PPP1R14C: variants seen among roughly 807,000 people sequenced by gnomAD.
The protein encoded by PPP1R14C is protein phosphatase 1 regulatory inhibitor subunit 14C.
PPP1R14C carries 16 observed loss-of-function variants against 20.4 expected under a neutral mutation model. That is an observed-to-expected ratio of 0.78 (90% CI 0.53 to 1.19). PPP1R14C has a LOEUF of 1.19. Ranked by LOEUF, PPP1R14C falls within the 50% of genes most tolerant of loss-of-function variation. The probability of loss-of-function intolerance (pLI) is 0.00; values close to 1 mark genes in which losing one functional copy is unlikely to be tolerated. For synonymous variants in PPP1R14C, 91 were observed against 91.0 expected (o/e 1.00, Z 0.00); for missense variants, 211 against 220.1 (o/e 0.96, Z 0.26).
intron 3 of PPP1R14C, among the ~76,000 whole-genome samples, chr6:150,217,193 G>GT (rs201443446): frequency 0.021 from 3,163 of 148,748 alleles, 58 homozygotes; most frequent in Middle Eastern, 0.042. Context: ...TTATTGGTAT[G>GT]TATTTTTTTT....
At chr6:150,190,680 C>T (rs559113636) in intron 1 of PPP1R14C, among the ~76,000 whole-genome samples, 1 of 152,256 alleles carries the variant, frequency 6.6e-6, no homozygotes, top group East Asian at 1.9e-4. Flanking sequence ...TCTCCTCGGC[C>T]TCTTAAAGTG....
chr6:150,205,366 C>T (rs1777935287), intron 1 of PPP1R14C, among the ~76,000 whole-genome samples: 2 of 152,180 alleles, frequency 1.3e-5, no homozygotes, highest in South Asian at 4.1e-4. Flanking sequence ...ACCCATCACA[C>T]TGGCCTGCTG....
chr6:150,204,649 C>T (rs925322523), intron 1 of PPP1R14C, among the ~76,000 whole-genome samples: 6 of 152,180 alleles, frequency 3.9e-5, no homozygotes, highest in Non-Finnish European at 7.3e-5. Context: ...CTAGCAGTCC[C>T]CATTTTACAG....
chr6:150,248,976 A>G lies in PPP1R14C; in HGVS notation c.*156A>G. 2.1e-6 allele frequency: 1 copy of G among 485,358 alleles called. No homozygotes were observed. 30.1% of individuals were successfully genotyped at this position (485,358 alleles called of 1,614,324 possible). ...GTGAAGGTGGGGGGGTCTATTAGACATTTATTCAAGAGCGTTCTTTTTTTG... is the reference window on the plus strand; with the variant it reads ...GTGAAGGTGGGGGGGTCTATTAGACGTTTATTCAAGAGCGTTCTTTTTTTG... On this transcript the variant is annotated 3_prime_UTR_variant, in exon 4 of 4. Coordinates refer to ENST00000361131, the MANE Select transcript of PPP1R14C (RefSeq NM_030949.3).
intron 3 of PPP1R14C, among the ~76,000 whole-genome samples, chr6:150,243,261 C>T (rs544031009): frequency 2.0e-4 from 31 of 151,550 alleles, no homozygotes; most frequent in Non-Finnish European, 3.4e-4. Flanking sequence ...CTGCAACCTC[C>T]GCCTCCCGGG....
At chr6:150,225,226 C>A (rs769510272) in intron 3 of PPP1R14C, among the ~76,000 whole-genome samples, 1 of 152,118 alleles carries the variant, frequency 6.6e-6, no homozygotes, top group Non-Finnish European at 1.5e-5. Flanking sequence ...CTTTTTATCT[C>A]GTCCTGCTGG....
At chr6:150,212,377 T>C (rs1778036644) in intron 1 of PPP1R14C, among the ~76,000 whole-genome samples, 1 of 152,166 alleles carries the variant, frequency 6.6e-6, no homozygotes, top group South Asian at 2.1e-4. Flanking sequence ...GTCAGTGCAA[T>C]ACCTAACAGA....
intron 3 of PPP1R14C, among the ~76,000 whole-genome samples, chr6:150,239,224 C>A (rs1778403812): frequency 6.6e-6 from 1 of 152,310 alleles, no homozygotes; most frequent in Middle Eastern, 3.4e-3. Context: ...GTACAAGTTA[C>A]ATGGGAGGAG....
rs796304783 is a variant in PPP1R14C, at chr6:150,187,247, C to G, written c.307-27497C>G. Reference sequence around the variant, plus strand: ...TGCCCACCTTGGCCTTTCTCTTTCTCTGTGTGTGTGTGTGTGTGTGTGTGT... The same window carrying G: ...TGCCCACCTTGGCCTTTCTCTTTCTGTGTGTGTGTGTGTGTGTGTGTGTGT... On this transcript the variant is annotated intron_variant, in intron 1 of 3. Coordinates refer to ENST00000361131, the MANE Select transcript of PPP1R14C (RefSeq NM_030949.3). Among the ~76,000 whole-genome samples, 688 of 141,576 alleles carry G rather than the reference C, an allele frequency of 4.9e-3. 8 individuals are homozygous for G. Among genetic ancestry groups the G allele is most frequent in the African/African-American group, 0.017 (624 of 37,596 alleles). 92.9% of individuals were successfully genotyped at this position (141,576 alleles called of 152,430 possible).
intron 1 of PPP1R14C, among the ~76,000 whole-genome samples, chr6:150,147,166 T>G (rs531213257): frequency 6.7e-6 from 1 of 150,040 alleles, no homozygotes; most frequent in Non-Finnish European, 1.5e-5. Flanking sequence ...CCCTGGTGGG[T>G]TTTTTTTGTT....
intron 1 of PPP1R14C, among the ~76,000 whole-genome samples, chr6:150,182,214 C>T (rs1054563404): frequency 6.6e-6 from 1 of 152,172 alleles, no homozygotes; most frequent in Non-Finnish European, 1.5e-5. Context: ...CCAGACCTGC[C>T]GGCTTTGAAT....
intron 3 of PPP1R14C, among the ~76,000 whole-genome samples, chr6:150,229,906 T>G (rs994084658): frequency 6.6e-6 from 1 of 152,086 alleles, no homozygotes; most frequent in Non-Finnish European, 1.5e-5. Context: ...ATTAAATGTG[T>G]CAGTGGTGAG....
chr6:150,160,416 C>G (rs972371003), intron 1 of PPP1R14C, among the ~76,000 whole-genome samples: 1 of 146,890 alleles, frequency 6.8e-6, no homozygotes, highest in Non-Finnish European at 1.5e-5. Context: ...AGGTGCCGAC[C>G]ACCACACCCA....
At chr6:150,215,299 G>A (rs1264705529) in intron 2 of PPP1R14C, among the ~76,000 whole-genome samples, 5 of 152,296 alleles carry the variant, frequency 3.3e-5, no homozygotes, top group Middle Eastern at 3.4e-3. Flanking sequence ...TTCATAGACA[G>A]TGCTCACCTC....
At chr6:150,231,784 G>A (rs968428697) in intron 3 of PPP1R14C, among the ~76,000 whole-genome samples, 12 of 152,126 alleles carry the variant, frequency 7.9e-5, no homozygotes, top group East Asian at 5.8e-4. Context: ...ATTAGGTGTC[G>A]GACACTTATC....
chr6:150,168,513 A>T (rs1218557206), intron 1 of PPP1R14C, among the ~76,000 whole-genome samples: 1 of 127,254 alleles, frequency 7.9e-6, no homozygotes, highest in African/African-American at 2.7e-5. Context: ...AGCCTGGGCG[A>T]AAGAGCGAGA....
chr6:150,244,312 A>G (rs751795717), intron 3 of PPP1R14C, among the ~76,000 whole-genome samples: 25 of 152,252 alleles, frequency 1.6e-4, no homozygotes, highest in Admixed American at 4.6e-4. Context: ...TTCTCATTGC[A>G]CTTGACTTAG....
chr6:150,174,185 C>T (rs1289299792), intron 1 of PPP1R14C, among the ~76,000 whole-genome samples: 1 of 152,072 alleles, frequency 6.6e-6, no homozygotes, highest in Non-Finnish European at 1.5e-5. Context: ...ATTGTGAGAA[C>T]ACTTACTAAC....
intron 2 of PPP1R14C, among the ~76,000 whole-genome samples, chr6:150,216,444 G>A (rs1274314692): frequency 2.0e-5 from 3 of 152,016 alleles, no homozygotes; most frequent in African/African-American, 7.2e-5. Context: ...GCAATGAGCT[G>A]AGATCGCACC....
Sources: gnomAD v4.1 joint callset for allele counts (sites outside exome capture counted in the v4.1 genomes callset) on GRCh38, gnomAD v4.1.1 for gene constraint, MANE v1.5 for transcripts, NCBI Gene and HGNC (gene_info 2026-07-23, HGNC 2026-07-21) for gene names.